WWOX: variants seen among roughly 807,000 people sequenced by gnomAD.
WWOX encodes WW domain containing oxidoreductase.
WWOX carries 69 observed loss-of-function variants against 46.2 expected under a neutral mutation model. That is an observed-to-expected ratio of 1.49 (90% CI 1.23 to 1.82). The LOEUF (loss-of-function observed/expected upper bound fraction) is 1.82. Among genes scored for constraint, WWOX ranks in the 40% most tolerant of loss-of-function variants. WWOX has a pLI of 0.00. For missense variants in WWOX, 919 were observed against 542.6 expected (o/e 1.69, Z -6.89); for synonymous variants, 359 against 202.6 (o/e 1.77, Z -6.56).
At chr16:78,598,513 T>G (rs115130199) in intron 8 of WWOX, among the ~76,000 whole-genome samples, 2,517 of 152,302 alleles carry the variant, frequency 0.017, 61 homozygotes, top group African/African-American at 0.057. Flanking sequence ...AGATATTTCT[T>G]GCCATGGCGA....
intron 8 of WWOX, among the ~76,000 whole-genome samples, chr16:78,715,092 G>A (rs2048530261): frequency 1.3e-5 from 2 of 151,904 alleles, no homozygotes; most frequent in Non-Finnish European, 2.9e-5. Context: ...ACCAACCTGG[G>A]CCACATAGTG....
chr16:78,692,077 C>T (rs997890014), intron 8 of WWOX, among the ~76,000 whole-genome samples: 3 of 152,196 alleles, frequency 2.0e-5, no homozygotes, highest in Non-Finnish European at 4.4e-5. Flanking sequence ...CCATGTGGAA[C>T]TGTAAGTCCA....
intron 8 of WWOX, among the ~76,000 whole-genome samples, chr16:78,591,968 G>T (rs112336313): frequency 2.0e-5 from 3 of 152,126 alleles, no homozygotes; most frequent in Non-Finnish European, 2.9e-5. Flanking sequence ...CTAACAATGC[G>T]CCTATTGACT....
At chr16:78,714,116 C>T (rs957456044) in intron 8 of WWOX, among the ~76,000 whole-genome samples, 5 of 152,140 alleles carry the variant, frequency 3.3e-5, no homozygotes, top group African/African-American at 7.2e-5. Context: ...TAGAATAAGT[C>T]CGTCTCACGT....
At chr16:78,437,158 C>G (rs893074771) in intron 8 of WWOX, among the ~76,000 whole-genome samples, 22 of 152,180 alleles carry the variant, frequency 1.4e-4, no homozygotes, top group Admixed American at 1.4e-3. Context: ...GAAGCCCTGC[C>G]TTCATTTCTT....
chr16:78,843,778 C>T (rs897878552), intron 8 of WWOX, among the ~76,000 whole-genome samples: 3 of 152,130 alleles, frequency 2.0e-5, no homozygotes, highest in African/African-American at 7.2e-5. Context: ...GAGCCAAAAG[C>T]AATTTATTAT....
chr16:79,042,229 C>T (rs1179592611), intron 8 of WWOX, among the ~76,000 whole-genome samples: 1 of 151,778 alleles, frequency 6.6e-6, no homozygotes, highest in African/African-American at 2.4e-5. Context: ...ACTCCAAAGC[C>T]CACGCTCTCT....
intron 8 of WWOX, among the ~76,000 whole-genome samples, chr16:78,841,083 C>G (rs2052131836): frequency 6.6e-6 from 1 of 152,032 alleles, no homozygotes; most frequent in East Asian, 1.9e-4. Context: ...ACCTGTGCCC[C>G]CAGACATTCA....
chr16:78,903,855 C>G (rs62038064), intron 8 of WWOX, among the ~76,000 whole-genome samples: 19,367 of 152,176 alleles, frequency 0.13, 1,599 homozygotes, highest in Non-Finnish European at 0.17. Context: ...ATTTAGTTCT[C>G]AGAACTCTGT....
chr16:78,715,737 C>G (rs1161619154), intron 8 of WWOX, among the ~76,000 whole-genome samples: 2 of 152,128 alleles, frequency 1.3e-5, no homozygotes, highest in East Asian at 1.9e-4. Context: ...TTGGCCTCCC[C>G]AAATTCTGGG....
intron 8 of WWOX, among the ~76,000 whole-genome samples, chr16:78,928,830 C>G (rs1567655821): frequency 6.6e-6 from 1 of 152,098 alleles, no homozygotes; most frequent in South Asian, 2.1e-4. Context: ...GAACTTGAAC[C>G]CAAGCTTCTC....
chr16:78,411,539 G>A (rs115524958), intron 6 of WWOX, among the ~76,000 whole-genome samples: 3 of 152,120 alleles, frequency 2.0e-5, no homozygotes, highest in African/African-American at 7.2e-5. Context: ...TAAGGAGAAG[G>A]GGGTGTAGTT....
At chr16:78,887,795 A>C (rs1300950815) in intron 8 of WWOX, among the ~76,000 whole-genome samples, 2 of 152,178 alleles carry the variant, frequency 1.3e-5, no homozygotes, top group Non-Finnish European at 2.9e-5. Flanking sequence ...ACATTTGTGC[A>C]ATTAAGAGTT....
At chr16:78,832,010 C>A (rs901478188) in intron 8 of WWOX, among the ~76,000 whole-genome samples, 3 of 152,198 alleles carry the variant, frequency 2.0e-5, no homozygotes, top group African/African-American at 2.4e-5. Flanking sequence ...GTATCTGCAA[C>A]AGTTATCCAT....
chr16:78,212,636 G>A (rs1040852663), intron 5 of WWOX, among the ~76,000 whole-genome samples: 2 of 152,166 alleles, frequency 1.3e-5, no homozygotes, highest in African/African-American at 2.4e-5. Context: ...TTAGGTCCAC[G>A]AAAGAGGGTA....
intron 8 of WWOX, among the ~76,000 whole-genome samples, chr16:78,655,795 G>A (rs1027075100): frequency 6.6e-6 from 1 of 152,168 alleles, no homozygotes; most frequent in African/African-American, 2.4e-5. Context: ...ACAAATCTGT[G>A]ATTTGAAGCC....
At chr16:78,930,917 G>A (rs531086120) in intron 8 of WWOX, among the ~76,000 whole-genome samples, 5 of 152,094 alleles carry the variant, frequency 3.3e-5, no homozygotes, top group African/African-American at 1.2e-4. Context: ...TTCTGGGTTC[G>A]TTCCCAGGTC....
intron 8 of WWOX, among the ~76,000 whole-genome samples, chr16:78,955,998 A>C (rs1011831782): frequency 6.6e-5 from 10 of 152,130 alleles, no homozygotes; most frequent in African/African-American, 2.4e-4. Flanking sequence ...AAACAAAAAA[A>C]AACACAAAAA....
intron 5 of WWOX, among the ~76,000 whole-genome samples, chr16:78,206,007 T>C (rs1032258116): frequency 6.6e-6 from 1 of 151,964 alleles, no homozygotes; most frequent in Non-Finnish European, 1.5e-5. Flanking sequence ...CCTGTCTCCA[T>C]TATTAACTTG....
Sources: allele counts gnomAD v4.1 joint callset (sites outside exome capture counted in the v4.1 genomes callset), GRCh38; gene constraint gnomAD v4.1.1; transcripts MANE v1.5; gene names NCBI Gene and HGNC (gene_info 2026-07-23, HGNC 2026-07-21).